Variants in CCDC192 observed in about 807,000 individuals in gnomAD.
CCDC192 encodes coiled-coil domain-containing protein 192.
At chr5:127,819,305 G>T (rs1377473365) in intron 5 of CCDC192, among the ~76,000 whole-genome samples, 1 of 152,098 alleles carries the variant, frequency 6.6e-6, no homozygotes. Flanking sequence ...CAGGGCTTGG[G>T]TAGGCACCAC....
At chr5:127,936,092 G>A (rs1178754284) in intron 6 of CCDC192, among the ~76,000 whole-genome samples, 4 of 151,892 alleles carry the variant, frequency 2.6e-5, no homozygotes, top group East Asian at 3.9e-4. Context: ...CAACAAGAGC[G>A]AAACTCCGTT....
chr5:127,706,386 G>A (rs1750961149), intron 1 of CCDC192, among the ~76,000 whole-genome samples: 1 of 151,978 alleles, frequency 6.6e-6, no homozygotes, highest in South Asian at 2.1e-4. Flanking sequence ...AATTAGCTAG[G>A]CATGGTGGCA....
chr5:127,785,145 A>C (rs914499320), intron 3 of CCDC192: 5 of 525,370 alleles, frequency 9.5e-6, no homozygotes, highest in Non-Finnish European at 1.9e-5. Flanking sequence ...CCTGCAAAGT[A>C]TATCTGTTTG....
At chr5:127,824,755 T>G (rs1749445524) in intron 5 of CCDC192, among the ~76,000 whole-genome samples, 1 of 152,150 alleles carries the variant, frequency 6.6e-6, no homozygotes, top group East Asian at 1.9e-4. Context: ...CAGCGTGCCT[T>G]GCCTTCTCTC....
At chr5:127,921,391 C>G (rs531672372) in intron 6 of CCDC192, among the ~76,000 whole-genome samples, 2 of 152,286 alleles carry the variant, frequency 1.3e-5, no homozygotes, top group Non-Finnish European at 2.9e-5. Context: ...CTCATAATCA[C>G]CATCATTGCC....
chr5:127,732,769 C>T (rs1432305748), intron 2 of CCDC192, among the ~76,000 whole-genome samples: 3 of 152,080 alleles, frequency 2.0e-5, no homozygotes, highest in Non-Finnish European at 4.4e-5. Flanking sequence ...CATGTTCTCA[C>T]TTATAAGTGG....
intron 5 of CCDC192, among the ~76,000 whole-genome samples, chr5:127,859,615 C>T (rs1442648701): frequency 1.3e-5 from 2 of 152,126 alleles, no homozygotes; most frequent in Non-Finnish European, 2.9e-5. Flanking sequence ...TCCTTCATTT[C>T]CAAAAATTTG....
chr5:127,869,860 G>A (rs1311160017), intron 5 of CCDC192, among the ~76,000 whole-genome samples: 1 of 152,136 alleles, frequency 6.6e-6, no homozygotes, highest in East Asian at 1.9e-4. Context: ...CATAAAATAA[G>A]ATGAGTTGGG....
chr5:127,938,357 T>G (rs1467776078), intron 6 of CCDC192, among the ~76,000 whole-genome samples: 1 of 152,178 alleles, frequency 6.6e-6, no homozygotes, highest in Non-Finnish European at 1.5e-5. Flanking sequence ...CTCCATCCTC[T>G]GGGGTAACAG....
intron 3 of CCDC192, among the ~76,000 whole-genome samples, chr5:127,790,750 G>A (rs1756823307): frequency 6.6e-6 from 1 of 152,140 alleles, no homozygotes; most frequent in Non-Finnish European, 1.5e-5. Context: ...TAGCAAACAA[G>A]GCATCAACAT....
At chr5:127,750,337 G>A (rs1254326068) in intron 2 of CCDC192, among the ~76,000 whole-genome samples, 1 of 152,202 alleles carries the variant, frequency 6.6e-6, no homozygotes, top group Non-Finnish European at 1.5e-5. Flanking sequence ...TGGTTTCAAA[G>A]AACATCTTTA....
At chr5:127,768,324 G>A (rs1755350704) in intron 3 of CCDC192, among the ~76,000 whole-genome samples, 1 of 152,102 alleles carries the variant, frequency 6.6e-6, no homozygotes, top group Non-Finnish European at 1.5e-5. Flanking sequence ...TCTGATTGGT[G>A]TCCTTATAAA....
intron 2 of CCDC192, among the ~76,000 whole-genome samples, chr5:127,752,750 C>T (rs947702113): frequency 2.6e-5 from 4 of 152,242 alleles, no homozygotes; most frequent in Non-Finnish European, 4.4e-5. Context: ...GACTGCTGTG[C>T]TAGCAGTCAG....
intron 3 of CCDC192, among the ~76,000 whole-genome samples, chr5:127,767,740 C>G (rs1050743143): frequency 6.6e-6 from 1 of 152,088 alleles, no homozygotes; most frequent in African/African-American, 2.4e-5. Context: ...TATTGATTGG[C>G]CTGTTGGTAA....
At chr5:127,855,203 A>T (rs547328357) in intron 5 of CCDC192, among the ~76,000 whole-genome samples, 24 of 152,266 alleles carry the variant, frequency 1.6e-4, no homozygotes, top group South Asian at 6.2e-4. Context: ...CCATAGCAGA[A>T]CTTCTTTCAA....
intron 6 of CCDC192, among the ~76,000 whole-genome samples, chr5:127,938,941 G>GT (rs1258480503): frequency 6.6e-6 from 1 of 151,806 alleles, no homozygotes; most frequent in East Asian, 1.9e-4. Context: ...GAAAGGAAAG[G>GT]TGAGAGCTTG....
At chr5:127,840,939 A>C (rs965054636) in intron 5 of CCDC192, among the ~76,000 whole-genome samples, 1 of 152,224 alleles carries the variant, frequency 6.6e-6, no homozygotes, top group South Asian at 2.1e-4. Flanking sequence ...TGAAGTAAAA[A>C]TGTTGACCAA....
At chr5:127,795,536 T>C (rs888775355) in intron 3 of CCDC192, among the ~76,000 whole-genome samples, 6 of 151,950 alleles carry the variant, frequency 3.9e-5, no homozygotes, top group Admixed American at 2.6e-4. Context: ...CAAGCCCAGG[T>C]AGGTCAAGTA....
chr5:127,818,824 G>T (rs1224144605), intron 5 of CCDC192, among the ~76,000 whole-genome samples: 1 of 152,146 alleles, frequency 6.6e-6, no homozygotes, highest in African/African-American at 2.4e-5. Flanking sequence ...GACTGGTAAG[G>T]AAAATCCCAA....
Sources: gnomAD v4.1 joint callset for allele counts (sites outside exome capture counted in the v4.1 genomes callset) on GRCh38, gnomAD v4.1.1 for gene constraint, MANE v1.5 for transcripts, NCBI Gene and HGNC (gene_info 2026-07-23, HGNC 2026-07-21) for gene names.